MAST4: variants seen among roughly 807,000 people sequenced by gnomAD.
MAST4 encodes the protein microtubule-associated serine/threonine-protein kinase 4.
In MAST4, 89 loss-of-function variants were observed where a neutral mutation model predicts 162.7. That is an observed-to-expected ratio of 0.55 (90% confidence interval 0.46 to 0.65). MAST4 has a LOEUF of 0.65. Ranked by LOEUF, MAST4 falls within the 30% of genes least tolerant of loss-of-function variation. The pLI, the probability that MAST4 is intolerant of heterozygous loss-of-function variation, is 0.00. For synonymous variants in MAST4, 1,479 were observed against 1,361.1 expected (o/e 1.09, Z -1.91); for missense variants, 3,153 against 3,374.0 (o/e 0.93, Z 1.62).
At chr5:67,097,721 A>G (rs1440534501) in intron 7 of MAST4, among the ~76,000 whole-genome samples, 1 of 152,094 alleles carries the variant, frequency 6.6e-6, no homozygotes, top group Non-Finnish European at 1.5e-5. Context: ...TATTAGGCTC[A>G]ATATTCCTAT....
intron 4 of MAST4, chr5:67,001,423 C>T (rs1264784209): frequency 6.6e-6 from 1 of 151,482 alleles, no homozygotes; most frequent in Non-Finnish European, 1.5e-5. Context: ...TGGATACAAC[C>T]CAAATCCTCT....
At chr5:66,754,059 T>G (rs965648188) in intron 1 of MAST4, among the ~76,000 whole-genome samples, 1 of 152,040 alleles carries the variant, frequency 6.6e-6, no homozygotes, top group Non-Finnish European at 1.5e-5. Context: ...ACCACATGAT[T>G]ATATCAATAG....
In MAST4 at chr5:67,048,989, A is replaced by G. The variant is rs111909994; in HGVS notation, c.675-5415A>G. Among the ~76,000 whole-genome samples the G allele has an allele frequency of 6.7e-3, 837 of 124,836 alleles. 12 individuals are homozygous for G. The highest frequency in any genetic ancestry group is 0.023 in the African/African-American group (711 of 30,528). 81.9% of individuals were successfully genotyped at this position (124,836 alleles called of 152,430 possible). On this transcript the variant is annotated intron_variant, in intron 4 of 28. Transcript: ENST00000403625. ...ATATAGCATATATATATATATATGT[A>G]TATATATATATACACACACATATAT...
At chr5:67,026,414 T>C (rs1754653051) in intron 4 of MAST4, among the ~76,000 whole-genome samples, 1 of 152,200 alleles carries the variant, frequency 6.6e-6, no homozygotes, top group African/African-American at 2.4e-5. Context: ...CTGTGTTAAT[T>C]TGGGTACAGA....
At chr5:67,016,141 CGAG>C (rs544146396) in intron 4 of MAST4, among the ~76,000 whole-genome samples, 105 of 151,964 alleles carry the variant, frequency 6.9e-4, no homozygotes, top group Non-Finnish European at 1.0e-3. Flanking sequence ...CAACATCAGC[CGAG>C]GAGGAGGGAG....
chr5:67,113,917 T>G (rs1179185678), intron 11 of MAST4, among the ~76,000 whole-genome samples, 170 bp from the exon 12 acceptor site: 3 of 152,224 alleles, frequency 2.0e-5, no homozygotes, highest in African/African-American at 7.2e-5. Flanking sequence ...TGAATAGGCT[T>G]CAAATATGAA....
chr5:66,759,997 C>G (rs151191980), intron 2 of MAST4, 135 bp downstream of exon 2: 16 of 870,406 alleles, frequency 1.8e-5, no homozygotes, highest in Middle Eastern at 3.9e-4. Context: ...AAAATCTTAT[C>G]TAATCCAGAA....
At chr5:66,825,718 A>C (rs1365198091) in intron 3 of MAST4, among the ~76,000 whole-genome samples, 2 of 152,164 alleles carry the variant, frequency 1.3e-5, no homozygotes, top group African/African-American at 4.8e-5. Flanking sequence ...GAAGTAAATT[A>C]TGCCTATAAT....
intron 18 of MAST4, among the ~76,000 whole-genome samples, chr5:67,136,275 A>G (rs1769632472): frequency 6.6e-6 from 1 of 152,254 alleles, no homozygotes; most frequent in Non-Finnish European, 1.5e-5. Flanking sequence ...CAATTCTTTG[A>G]AAGAAAAATA....
At chr5:66,729,158 A>C (rs1440068218) in intron 1 of MAST4, among the ~76,000 whole-genome samples, 1 of 152,210 alleles carries the variant, frequency 6.6e-6, no homozygotes, top group Non-Finnish European at 1.5e-5. Context: ...TGTGTGTTTT[A>C]TGTCAGTGAA....
chr5:66,822,877 C>T (rs915544411), intron 3 of MAST4, among the ~76,000 whole-genome samples: 54 of 152,308 alleles, frequency 3.5e-4, no homozygotes, highest in African/African-American at 1.2e-3. Flanking sequence ...GGAGCCCAAA[C>T]TCTGGAGTCA....
intron 5 of MAST4, among the ~76,000 whole-genome samples, chr5:67,086,148 C>T (rs2150767004): frequency 6.6e-6 from 1 of 152,288 alleles, no homozygotes; most frequent in East Asian, 1.9e-4. Flanking sequence ...TGGGGGCTTA[C>T]TCTTTGATCC....
chr5:67,109,794 G>A (rs530235051), intron 10 of MAST4, among the ~76,000 whole-genome samples: 109 of 152,222 alleles, frequency 7.2e-4, no homozygotes, highest in Non-Finnish European at 6.5e-4. Flanking sequence ...TGCTTAATGT[G>A]TCATAAACTT....
intron 3 of MAST4, among the ~76,000 whole-genome samples, chr5:66,892,540 T>C (rs1453968808): frequency 1.3e-5 from 2 of 152,240 alleles, no homozygotes; most frequent in African/African-American, 4.8e-5. Context: ...CCTTCTGTAT[T>C]ACTGAAATTA....
intron 1 of MAST4, among the ~76,000 whole-genome samples, chr5:66,716,129 T>C (rs1750822129): frequency 6.6e-6 from 1 of 152,118 alleles, no homozygotes; most frequent in African/African-American, 2.4e-5. Flanking sequence ...AATGGAAATA[T>C]AAATTTAAGG....
At chr5:66,905,270 G>A (rs1180312828) in intron 4 of MAST4, among the ~76,000 whole-genome samples, 2 of 130,764 alleles carry the variant, frequency 1.5e-5, no homozygotes, top group Non-Finnish European at 3.1e-5. Flanking sequence ...TCGCGCCCAC[G>A]CCAGCCTGGG....
intron 3 of MAST4, among the ~76,000 whole-genome samples, chr5:66,843,466 G>T (rs1758570774): frequency 6.6e-6 from 1 of 152,124 alleles, no homozygotes; most frequent in Admixed American, 6.6e-5. Context: ...AGAGGAGAAT[G>T]ATTTTCTTAG....
chr5:66,848,286 T>G (rs1759037416), intron 3 of MAST4, among the ~76,000 whole-genome samples: 1 of 152,170 alleles, frequency 6.6e-6, no homozygotes, highest in Non-Finnish European at 1.5e-5. Context: ...GCTTTATATG[T>G]AAATAATTTG....
intron 3 of MAST4, among the ~76,000 whole-genome samples, chr5:66,898,353 T>C (rs1307207327): frequency 3.3e-5 from 5 of 152,206 alleles, no homozygotes. Context: ...TTCTCTCTTT[T>C]TGTTTTCTTT....
Sources: allele counts gnomAD v4.1 joint callset (sites outside exome capture counted in the v4.1 genomes callset), GRCh38; gene constraint gnomAD v4.1.1; transcripts MANE v1.5; gene names NCBI Gene and HGNC (gene_info 2026-07-23, HGNC 2026-07-21).